NPTN: variants seen among roughly 807,000 people sequenced by gnomAD.
NPTN encodes the protein neuroplastin.
NPTN carries 5 observed loss-of-function variants against 42.7 expected under a neutral mutation model. The ratio of observed to expected loss-of-function variants is 0.12; its 90% CI spans 0.06 to 0.25. The LOEUF (loss-of-function observed/expected upper bound fraction) is 0.25, where lower values mean the gene tolerates loss of function less well. Among genes scored for constraint, NPTN ranks in the 10% least tolerant of loss-of-function variants. NPTN has a pLI of 1.00. For synonymous variants in NPTN, 180 were observed against 201.9 expected, an observed-to-expected ratio of 0.89 and a Z score of 0.92; for missense variants, 307 against 525.4, an observed-to-expected ratio of 0.58 and a Z score of 4.06.
rs779090521 is a variant in NPTN, at chr15:73,570,172, C to A, written c.1092G>T (p.Lys364Asn). 6 of 1,611,888 alleles carry A rather than the reference C, an allele frequency of 3.7e-6. No homozygotes were observed. The change falls in exon 6 of 9, where the codon AAG (lysine) becomes AAT (asparagine). Residue 364 changes from lysine (K) to asparagine (N), a missense_variant. Physicochemically the swap from Lys to Asn is moderately conservative, Grantham distance 94. This residue lies in a region of NPTN where 264 missense variants were observed against 491.1 expected (regional missense o/e 0.54). Transcript: ENST00000345330. This position sits in a 1 kb window ranked among gnomAD's most constrained non-coding sequence, Gnocchi z 4.0. ...VVIIVVYEKR[K>N]RPDEVPDDDE... is the part of the protein sequence containing the mutation. ...TACCGTCAGGAACCTCATCTGGCCT[C>A]TTCCTCTTCTCATACACAACAATGA...
At chr15:73,632,992 G>A (rs1898843817) in intron 1 of NPTN, 133 bp downstream of exon 1, 1 of 606,392 alleles carries the variant, frequency 1.6e-6, no homozygotes, top group Non-Finnish European at 2.5e-6. Context: ...ACCTCCTCTC[G>A]GACCCGCAGC....
chr15:73,581,848 C>T (rs75510032), intron 4 of NPTN, among the ~76,000 whole-genome samples: 17,086 of 148,642 alleles, frequency 0.11, 1,264 homozygotes, highest in African/African-American at 0.22. Context: ...TTTTTTTTTT[C>T]TTTTTAGACA....
At chr15:73,568,030 T>C in intron 6 of NPTN, 1 of 985,440 alleles carries the variant, frequency 1.0e-6, no homozygotes, top group South Asian at 4.7e-5. Flanking sequence ...TCTAGGAAGC[T>C]GTTCAGATTT....
intron 6 of NPTN, chr15:73,566,975 C>T (rs1200560340): frequency 2.1e-6 from 2 of 951,016 alleles, no homozygotes; most frequent in African/African-American, 3.6e-5. Context: ...GAGAATACTC[C>T]AGTAGGTAAA....
chr15:73,596,500 T>C (rs1896840754), intron 2 of NPTN, among the ~76,000 whole-genome samples: 1 of 151,992 alleles, frequency 6.6e-6, no homozygotes, highest in South Asian at 2.1e-4. Context: ...AGGCAGCTAC[T>C]TAGAGAGCTT....
intron 6 of NPTN, among the ~76,000 whole-genome samples, chr15:73,566,109 G>C (rs978259939): frequency 6.6e-6 from 1 of 152,126 alleles, no homozygotes; most frequent in African/African-American, 2.4e-5. Flanking sequence ...TTCCTTGTTT[G>C]GTCCTATTGC....
chr15:73,628,260 G>A lies in NPTN; in HGVS notation c.91+4865C>T, dbSNP rs542542985. Among the ~76,000 whole-genome samples, 8 of 152,046 alleles carry A rather than the reference G, an allele frequency of 5.3e-5. No homozygotes were observed. The East Asian group carries it at 1.5e-3, about 29-fold the overall frequency. On this transcript the variant is annotated intron_variant, in intron 1 of 8. Transcript: ENST00000345330. Reference sequence around the variant, plus strand: ...TCTTTCTGACAGCTTATATTTTTCCGGATGCTCCTCAAACAAAGATTCATT... The same window carrying A: ...TCTTTCTGACAGCTTATATTTTTCCAGATGCTCCTCAAACAAAGATTCATT...
At chr15:73,606,256 G>A (rs959712561) in intron 1 of NPTN, among the ~76,000 whole-genome samples, 29 of 152,102 alleles carry the variant, frequency 1.9e-4, no homozygotes, top group African/African-American at 6.3e-4. Context: ...GGCCCATTTT[G>A]ACTTTGACAT....
At chr15:73,581,300 G>A (rs1301343899) in intron 4 of NPTN, among the ~76,000 whole-genome samples, 1 of 152,144 alleles carries the variant, frequency 6.6e-6, no homozygotes, top group Non-Finnish European at 1.5e-5. Context: ...GCAGGTCTGA[G>A]CGTCTAACTA....
chr15:73,563,169 G>C lies in NPTN; in HGVS notation c.1136+67C>G. On this transcript the variant is annotated intron_variant, in intron 7 of 8. Coordinates refer to ENST00000345330, the MANE Select transcript of NPTN (RefSeq NM_012428.4). Reference sequence around the variant, plus strand: ...CCCTCCAATCTTAGCTACTCCATTTGATTAAACTGCAAACACAACATCATT... The same window carrying C: ...CCCTCCAATCTTAGCTACTCCATTTCATTAAACTGCAAACACAACATCATT... 3 of 1,149,504 alleles carry C rather than the reference G, an allele frequency of 2.6e-6. No individual in the cohort carries two copies. In the South Asian group the frequency reaches 3.7e-5, roughly 14 times the overall value. The allele number at this position is 1,149,504 out of a possible 1,614,324, so 71.2% of individuals were successfully genotyped here.
chr15:73,602,869 G>A (rs928688284), intron 1 of NPTN, among the ~76,000 whole-genome samples: 3 of 152,208 alleles, frequency 2.0e-5, no homozygotes, highest in Admixed American at 6.5e-5. Context: ...CAAAAGTTTG[G>A]AAATTAAGAT....
At chr15:73,575,480 A>C (rs1182490608) in intron 4 of NPTN, among the ~76,000 whole-genome samples, 1 of 152,264 alleles carries the variant, frequency 6.6e-6, no homozygotes, top group Non-Finnish European at 1.5e-5. Flanking sequence ...GTTATCCAAG[A>C]TAGGAAAGAG....
At chr15:73,618,140 C>A (rs1483995227) in intron 1 of NPTN, among the ~76,000 whole-genome samples, 1 of 152,218 alleles carries the variant, frequency 6.6e-6, no homozygotes, top group African/African-American at 2.4e-5. Context: ...AGCCGCCTGC[C>A]TGGAATTCTT....
rs978681259 is a variant in NPTN at position 73,567,563 on chromosome 15, G to A, written c.1114+2587C>T. 10 of 985,268 alleles carry A rather than the reference G, an allele frequency of 1.0e-5. No individual in the cohort carries two copies. In the African/African-American group the frequency reaches 1.7e-4, roughly 17 times the overall value. The allele number at this position is 985,268 out of a possible 1,614,324, so 61.0% of individuals were successfully genotyped here. ...TCCTATGGAGTGCACAGGGGTTGAG[G>A]GGAACTGGCTAAAGAAGGAAAAGGC... On this transcript the variant is annotated intron_variant, in intron 6 of 8. Coordinates refer to ENST00000345330, the MANE Select transcript of NPTN (RefSeq NM_012428.4).
At chr15:73,612,949 G>A (rs1398423027) in intron 1 of NPTN, among the ~76,000 whole-genome samples, 1 of 152,182 alleles carries the variant, frequency 6.6e-6, no homozygotes, top group African/African-American at 2.4e-5. Flanking sequence ...TATGGGTAAG[G>A]TAACCATATA....
intron 5 of NPTN, among the ~76,000 whole-genome samples, chr15:73,573,014 G>A (rs1257827747): frequency 2.0e-5 from 3 of 152,054 alleles, no homozygotes; most frequent in Non-Finnish European, 4.4e-5. Context: ...AGCCACCTAG[G>A]ACCTGCCTGC....
chr15:73,610,084 C>CA (rs1897498944), intron 1 of NPTN, among the ~76,000 whole-genome samples: 1 of 149,364 alleles, frequency 6.7e-6, no homozygotes, highest in Non-Finnish European at 1.5e-5. Flanking sequence ...CTACTTTTTA[C>CA]TTTTTTTTTT....
intron 1 of NPTN, among the ~76,000 whole-genome samples, chr15:73,627,845 T>C (rs1898504447): frequency 6.6e-6 from 1 of 152,212 alleles, no homozygotes; most frequent in Non-Finnish European, 1.5e-5. Context: ...TCAATATCAC[T>C]AGAATAATGT....
At position 73,570,908 on chromosome 15, in the gene NPTN, C is replaced by T. The variant is rs906790717; in HGVS notation, c.841-485G>A. Among the ~76,000 whole-genome samples the T allele has an allele frequency of 2.6e-5, 4 of 152,196 alleles. No individual in the cohort carries two copies. Among genetic ancestry groups the T allele is most frequent in the African/African-American group, 9.7e-5 (4 of 41,448 alleles). ...CACAAACAATGCTAAGAACTCACTCCTAGTCAGACTGGGGGAAATTCATAA... is the reference window on the plus strand; with the variant it reads ...CACAAACAATGCTAAGAACTCACTCTTAGTCAGACTGGGGGAAATTCATAA... On this transcript the variant is annotated intron_variant, in intron 5 of 8. Coordinates refer to ENST00000345330, the MANE Select transcript of NPTN (RefSeq NM_012428.4). This position sits in a 1 kb window ranked among gnomAD's most constrained non-coding sequence, Gnocchi z 4.0.
Sources: gnomAD v4.1 joint callset for allele counts (sites outside exome capture counted in the v4.1 genomes callset) on GRCh38, gnomAD v4.1.1 for gene constraint, gnomAD v4.1.1 regional missense constraint, Gnocchi (gnomAD v3.1) non-coding constraint, MANE v1.5 for transcripts, NCBI Gene and HGNC (gene_info 2026-07-23, HGNC 2026-07-21) for gene names.